MCOLN2: variants seen among roughly 807,000 people sequenced by gnomAD.
The protein encoded by MCOLN2 is mucolipin-2.
Under a neutral mutation model 67.5 loss-of-function variants are expected in MCOLN2, and 57 were observed. The ratio of observed to expected loss-of-function variants is 0.84; its 90% CI spans 0.68 to 1.05. The LOEUF (loss-of-function observed/expected upper bound fraction) is 1.05, where lower values mean the gene tolerates loss of function less well. MCOLN2 is among the 50% of genes least tolerant of loss of function. The pLI is 0.00. For missense variants in MCOLN2, 620 were observed against 678.8 expected (o/e 0.91, Z 0.96); for synonymous variants, 246 against 233.3 (o/e 1.05, Z -0.50).
At chr1:84,941,012 C>A in intron 7 of MCOLN2, 21 bp from the exon 8 acceptor site, 2 of 1,515,080 alleles carry the variant, frequency 1.3e-6, no homozygotes, top group Non-Finnish European at 9.1e-7. Flanking sequence ...AAACAGAATT[C>A]AAATGTTAAA....
chr1:84,981,442 T>C (rs558049339), intron 1 of MCOLN2, among the ~76,000 whole-genome samples: 2 of 152,286 alleles, frequency 1.3e-5, no homozygotes, highest in South Asian at 4.1e-4. Context: ...AAAGAAAATG[T>C]GGTACATACA....
intron 11 of MCOLN2, 134 bp from the exon 12 acceptor site, chr1:84,931,702 C>A: frequency 1.4e-6 from 1 of 730,664 alleles, no homozygotes; most frequent in East Asian, 2.7e-5. Flanking sequence ...GATGCTAGAA[C>A]ACCATAAGAA....
In MCOLN2 at chr1:84,941,268, G is replaced by C. The variant is rs148052154; in HGVS notation, c.848-277C>G. Among the ~76,000 whole-genome samples the C allele has an allele frequency of 4.0e-3, 615 of 152,216 alleles. 7 individuals carry two copies. Among genetic ancestry groups the C allele is most frequent in the African/African-American group, 0.013 (529 of 41,538 alleles). On this transcript the variant is annotated intron_variant, in intron 7 of 13. Coordinates refer to ENST00000370608, the MANE Select transcript of MCOLN2 (RefSeq NM_153259.4). ...TCCCAGCACTTTGGGAGGCTGAGGT[G>C]GGCGGATCACGAGGTCAGGAGATCA...
At chr1:84,979,659 T>C (rs1015376630) in intron 1 of MCOLN2, among the ~76,000 whole-genome samples, 1 of 152,218 alleles carries the variant, frequency 6.6e-6, no homozygotes, top group African/African-American at 2.4e-5. Flanking sequence ...AAACTGGATA[T>C]AGAAGGAATA....
At chr1:84,962,826 A>G (rs751463041) in intron 2 of MCOLN2, among the ~76,000 whole-genome samples, 113 of 152,236 alleles carry the variant, frequency 7.4e-4, no homozygotes, top group Non-Finnish European at 1.3e-3. Context: ...ATTCCTGGCT[A>G]GAGAGGTGAA....
At chr1:84,982,133 G>A (rs1277376992) in intron 1 of MCOLN2, among the ~76,000 whole-genome samples, 1 of 150,396 alleles carries the variant, frequency 6.6e-6, no homozygotes. Context: ...AAGCTGGGGT[G>A]GGGGGAAGCA....
chr1:84,973,263 G>A (rs1425880219), intron 1 of MCOLN2, among the ~76,000 whole-genome samples: 1 of 152,126 alleles, frequency 6.6e-6, no homozygotes, highest in Non-Finnish European at 1.5e-5. Context: ...GATCACTTGA[G>A]GCCAAGAGTT....
intron 1 of MCOLN2, among the ~76,000 whole-genome samples, chr1:84,974,491 T>A (rs1023029762): frequency 6.6e-6 from 1 of 151,906 alleles, no homozygotes; most frequent in Non-Finnish European, 1.5e-5. Context: ...ATGCCTCTGT[T>A]CCAGGCCCTA....
Position 84,947,127 on chromosome 1 carries a change from G to T in MCOLN2, c.753C>A (p.Ile251=). ...TGCCACTGTGAGCTTTATTGTCAAA[G>T]ATAATCTGGAGACACAAATGTATAG... ...PDCYVFQNTI[I]FDNKAHSGKI... The change falls in exon 7 of 14, where the codon ATC becomes ATA. Residue 251 remains isoleucine, a synonymous_variant. Transcript: ENST00000370608. 6.6e-7 allele frequency: 1 copy of T among 1,521,592 alleles called. No individual in the cohort carries two copies. Among genetic ancestry groups the T allele is most frequent in the Non-Finnish European group, 9.1e-7 (1 of 1,097,396 alleles). The allele number at this position is 1,521,592 out of a possible 1,614,324, so 94.3% of individuals were successfully genotyped here.
chr1:84,931,353 AT>A lies in MCOLN2; in HGVS notation c.1542+8del. ...GATTTTTTGGCAGCAAATTTTGATA[AT>A]TACTTACCTTAATGGTGTCATAAGA... On this transcript the variant is annotated splice_region_variant and intron_variant, in intron 12 of 13. Transcript: ENST00000370608. 1.4e-6 allele frequency: 2 copies of A among 1,478,746 alleles called. No individual in the cohort carries two copies. The highest frequency in any genetic ancestry group is 1.9e-6 in the Non-Finnish European group (2 of 1,065,412). 91.6% of individuals were successfully genotyped at this position (1,478,746 alleles called of 1,614,324 possible). A position where few individuals can be genotyped will look rare whatever the true frequency, so the allele number is the denominator to read the frequency against.
rs377161915 is a variant in MCOLN2, at chr1:84,984,040, T to C, written c.77+12756A>G. Among the ~76,000 whole-genome samples the C allele has an allele frequency of 3.1e-3, 467 of 152,306 alleles. 3 individuals carry two copies. The highest frequency in any genetic ancestry group is 0.029 in the South Asian group (139 of 4,820). ...TCATTTTAGGTATTATCAATTTGAA[T>C]CCTCCCTTGGAAAATATGGATTTAG... On this transcript the variant is annotated intron_variant, in intron 1 of 13. Coordinates refer to ENST00000370608, the MANE Select transcript of MCOLN2 (RefSeq NM_153259.4).
chr1:84,986,675 C>A (rs1650523244), intron 1 of MCOLN2, among the ~76,000 whole-genome samples: 1 of 151,296 alleles, frequency 6.6e-6, no homozygotes. Context: ...ACAAGGAACT[C>A]AAATCAGCAA....
At chr1:84,929,869 C>A in intron 12 of MCOLN2, 190 bp from the exon 13 acceptor site, 7 of 404,756 alleles carry the variant, frequency 1.7e-5, no homozygotes, top group South Asian at 5.2e-5. Flanking sequence ...ACTGTGGGAA[C>A]AGAGAACAAT....
chr1:84,938,193 T>G, intron 9 of MCOLN2, 111 bp from the exon 10 acceptor site: 1 of 564,268 alleles, frequency 1.8e-6, no homozygotes, highest in African/African-American at 1.9e-5. Context: ...TGCCTCCCTA[T>G]AGGTGATAGA....
At chr1:84,948,665 T>G (rs1648243777) in intron 6 of MCOLN2, among the ~76,000 whole-genome samples, 1 of 152,150 alleles carries the variant, frequency 6.6e-6, no homozygotes, top group Admixed American at 6.5e-5. Context: ...TATAAAAGAA[T>G]ACAAACAATT....
chr1:84,990,436 T>C (rs1650834888), intron 1 of MCOLN2, among the ~76,000 whole-genome samples: 1 of 147,580 alleles, frequency 6.8e-6, no homozygotes, highest in South Asian at 2.1e-4. Context: ...ACTTAAAGTA[T>C]AATAATAATT....
At chr1:84,951,188 G>A (rs1648412853) in intron 6 of MCOLN2, among the ~76,000 whole-genome samples, 1 of 152,118 alleles carries the variant, frequency 6.6e-6, no homozygotes, top group Admixed American at 6.5e-5. Context: ...CCCCTACTAG[G>A]CTGTAAGCTT....
In MCOLN2 at chr1:84,987,522, A is replaced by ACC. The variant is rs1557665731; in HGVS notation, c.77+9273_77+9274insGG. On this transcript the variant is annotated intron_variant, in intron 1 of 13. Coordinates refer to ENST00000370608, the MANE Select transcript of MCOLN2 (RefSeq NM_153259.4). ...TACATAGATGTATACATATGTATAT[A>ACC]TGTATACATCTATGTATACATAGAT... Among the ~76,000 whole-genome samples, 83 of 73,488 alleles carry ACC rather than the reference A, an allele frequency of 1.1e-3. 7 individuals are homozygous for ACC. The highest frequency in any genetic ancestry group is 2.9e-3 in the African/African-American group (67 of 23,316). The allele number at this position is 73,488 out of a possible 152,430, so 48.2% of individuals were successfully genotyped here.
At chr1:84,938,205 T>C (rs961277760) in intron 9 of MCOLN2, 123 bp from the exon 10 acceptor site, 2 of 457,014 alleles carry the variant, frequency 4.4e-6, no homozygotes, top group East Asian at 7.1e-5. Context: ...GGTGATAGAG[T>C]TTTTTTTTGA....
Sources: allele counts gnomAD v4.1 joint callset (sites outside exome capture counted in the v4.1 genomes callset), GRCh38; gene constraint gnomAD v4.1.1; transcripts MANE v1.5; gene names NCBI Gene and HGNC (gene_info 2026-07-23, HGNC 2026-07-21).